Variants in CACNA2D2 observed in about 807,000 individuals in gnomAD.
The protein encoded by CACNA2D2 is voltage-dependent calcium channel subunit alpha-2/delta-2.
Under a neutral mutation model 166.4 loss-of-function variants are expected in CACNA2D2, and 48 were observed. The observed-to-expected ratio is 0.29, with a 90% CI of 0.23 to 0.37. CACNA2D2 has a LOEUF of 0.37. Ranked by LOEUF, CACNA2D2 falls within the 10% of genes least tolerant of loss-of-function variation. CACNA2D2 has a pLI of 1.00. For missense variants in CACNA2D2, 1,122 were observed against 1,433.0 expected, an observed-to-expected ratio of 0.78 and a Z score of 3.50; for synonymous variants, 561 against 573.7, an observed-to-expected ratio of 0.98 and a Z score of 0.32.
At chr3:50,456,430 A>G (rs1709363029) in intron 2 of CACNA2D2, among the ~76,000 whole-genome samples, 1 of 152,178 alleles carries the variant, frequency 6.6e-6, no homozygotes, top group African/African-American at 2.4e-5. Flanking sequence ...CCAGACCAAC[A>G]TTGTGACTTC....
chr3:50,443,791 C>G (rs1708716078), intron 2 of CACNA2D2, among the ~76,000 whole-genome samples: 1 of 152,226 alleles, frequency 6.6e-6, no homozygotes, highest in Non-Finnish European at 1.5e-5. Context: ...AGTAAAGCCC[C>G]CTTTACCCAC....
At chr3:50,475,518 T>C (rs1710271224) in intron 2 of CACNA2D2, among the ~76,000 whole-genome samples, 1 of 152,196 alleles carries the variant, frequency 6.6e-6, no homozygotes, top group Non-Finnish European at 1.5e-5. Context: ...GCCCGGGGCC[T>C]GACAGCAGCA....
At position 50,375,658 on chromosome 3, in the gene CACNA2D2, C is replaced by T; in HGVS notation, c.1893G>A (p.Arg631=). The T allele has an allele frequency of 6.2e-7, 1 of 1,612,486 alleles. No individual in the cohort carries two copies. ...VTRNYTWVPI[R]STNYSLGLVL... is the part of the protein sequence containing the mutation. Reference sequence around the variant, plus strand: ...GCCTCACTTACCTGTAGTTAGTGCTCCTTATAGGCACCCAGGTGTAGTTCC... The same window carrying T: ...GCCTCACTTACCTGTAGTTAGTGCTTCTTATAGGCACCCAGGTGTAGTTCC... Residue 631 remains arginine, a synonymous_variant, in exon 21 of 38, where the codon AGG becomes AGA. Coordinates refer to ENST00000424201, the MANE Select transcript of CACNA2D2 (RefSeq NM_006030.4). The surrounding 1 kb of genome is among the most constrained non-coding windows in gnomAD (Gnocchi z 4.0).
At position 50,380,876 on chromosome 3, in the gene CACNA2D2, C is replaced by T. The variant is rs146699793; in HGVS notation, c.785-71G>A. 8.5e-4 allele frequency: 1,295 copies of T among 1,525,904 alleles called. 1 individual carries two copies. The highest frequency in any genetic ancestry group is 1.1e-3 in the Non-Finnish European group (1,217 of 1,128,576). 94.5% of individuals were successfully genotyped at this position (1,525,904 alleles called of 1,614,324 possible). Reference sequence around the variant, plus strand: ...CCTGGGTAGGCAGACCTTGCAGAGGCGACTGGGCTGCCACAGACTACAGAG... The same window carrying T: ...CCTGGGTAGGCAGACCTTGCAGAGGTGACTGGGCTGCCACAGACTACAGAG... On this transcript the variant is annotated intron_variant, in intron 7 of 37. Coordinates refer to ENST00000424201, the MANE Select transcript of CACNA2D2 (RefSeq NM_006030.4). This position sits in a 1 kb window ranked among gnomAD's most constrained non-coding sequence, Gnocchi z 4.9.
intron 1 of CACNA2D2, among the ~76,000 whole-genome samples, chr3:50,478,769 C>A (rs116427230): frequency 5.7e-4 from 87 of 152,336 alleles, no homozygotes; most frequent in African/African-American, 2.0e-3. Context: ...CTGTGCACCT[C>A]TTTCCAACTC....
At chr3:50,436,592 C>T (rs563425448) in intron 2 of CACNA2D2, among the ~76,000 whole-genome samples, 3 of 152,324 alleles carry the variant, frequency 2.0e-5, no homozygotes, top group South Asian at 2.1e-4. Context: ...TCTGAACCTC[C>T]GTGACTGATC....
intron 1 of CACNA2D2, among the ~76,000 whole-genome samples, chr3:50,500,138 G>T (rs758621790): frequency 6.6e-6 from 1 of 152,216 alleles, no homozygotes; most frequent in Non-Finnish European, 1.5e-5. Flanking sequence ...CTACACTGAC[G>T]CATGCCCTGT....
intron 2 of CACNA2D2, among the ~76,000 whole-genome samples, chr3:50,449,696 C>T (rs1342221860): frequency 6.6e-6 from 1 of 152,214 alleles, no homozygotes; most frequent in Non-Finnish European, 1.5e-5. Flanking sequence ...AAGCGTGGCC[C>T]TGTGATGCCT....
At chr3:50,392,322 C>T (rs538389918) in intron 4 of CACNA2D2, among the ~76,000 whole-genome samples, 1 of 152,332 alleles carries the variant, frequency 6.6e-6, no homozygotes, top group East Asian at 1.9e-4. Context: ...GCATTGATGC[C>T]TTTCAGCCTG....
intron 3 of CACNA2D2, among the ~76,000 whole-genome samples, chr3:50,402,374 A>G (rs753365503): frequency 1.1e-4 from 17 of 152,318 alleles, no homozygotes; most frequent in Non-Finnish European, 1.9e-4. Context: ...GTGTGGGTGG[A>G]CCTGGACAAC....
chr3:50,367,560 C>G lies in CACNA2D2; in HGVS notation c.2298-63G>C. ...GGCTTGTCGGGGACAGTGGTCTCCACAGATGCAAGGAGGCCTCTGGGCAGA... is the reference window on the plus strand; with the variant it reads ...GGCTTGTCGGGGACAGTGGTCTCCAGAGATGCAAGGAGGCCTCTGGGCAGA... On this transcript the variant is annotated intron_variant, in intron 26 of 37. Transcript: ENST00000424201. This position sits in a 1 kb window ranked among gnomAD's most constrained non-coding sequence, Gnocchi z 6.5. 6.2e-7 allele frequency: 1 copy of G among 1,602,316 alleles called. No individual in the cohort carries two copies. Among genetic ancestry groups the G allele is most frequent in the Non-Finnish European group, 8.5e-7 (1 of 1,171,814 alleles).
chr3:50,417,700 T>C (rs530794215), intron 3 of CACNA2D2, among the ~76,000 whole-genome samples: 1 of 152,156 alleles, frequency 6.6e-6, no homozygotes, highest in Non-Finnish European at 1.5e-5. Flanking sequence ...CCTGTGGATG[T>C]GGGGAGGGCA....
At chr3:50,488,238 C>T (rs750392327) in intron 1 of CACNA2D2, among the ~76,000 whole-genome samples, 2 of 152,168 alleles carry the variant, frequency 1.3e-5, no homozygotes, top group South Asian at 2.1e-4. Context: ...GCTCCCACAC[C>T]GAGGCCTGCA....
At chr3:50,498,198 T>C (rs1698802552) in intron 1 of CACNA2D2, among the ~76,000 whole-genome samples, 1 of 152,148 alleles carries the variant, frequency 6.6e-6, no homozygotes, top group African/African-American at 2.4e-5. Flanking sequence ...CCCACCTGCC[T>C]TGACTCCCAA....
chr3:50,439,525 C>T (rs538893755), intron 2 of CACNA2D2, among the ~76,000 whole-genome samples: 1 of 152,368 alleles, frequency 6.6e-6, no homozygotes, highest in East Asian at 1.9e-4. Flanking sequence ...AGCCCCGAGG[C>T]ATGACTCCGG....
In CACNA2D2 at chr3:50,475,747, T is replaced by C. The variant is rs577938579; in HGVS notation, c.288+371A>G. 2.0e-4 allele frequency among the ~76,000 whole-genome samples: 31 copies of C among 152,250 alleles called. No individual in the cohort carries two copies. The South Asian group carries it at 6.4e-3, about 32-fold the overall frequency. On this transcript the variant is annotated intron_variant, in intron 2 of 37. Transcript: ENST00000424201. ...TGGTATGGACCGGCCATCCCGTTGT[T>C]TCCTGGATCCCTTCAGCTCCTGTGC...
chr3:50,410,058 C>T (rs1250379244), intron 3 of CACNA2D2, among the ~76,000 whole-genome samples: 1 of 152,212 alleles, frequency 6.6e-6, no homozygotes, highest in Non-Finnish European at 1.5e-5. Context: ...CTCTGGCCCC[C>T]AAGAACCCTC....
rs558903401 is a variant in CACNA2D2, at chr3:50,487,980, C to T, written c.207-11781G>A. ...GGAATCCAAGCAGAGGAAGCTGATA[C>T]CTGATCCGGATTGGGGCCTGATGAG... On this transcript the variant is annotated intron_variant, in intron 1 of 37. Coordinates refer to ENST00000424201, the MANE Select transcript of CACNA2D2 (RefSeq NM_006030.4). Among the ~76,000 whole-genome samples, 4 of 152,240 alleles carry T rather than the reference C, an allele frequency of 2.6e-5. No homozygotes were observed. The South Asian group carries it at 6.2e-4, about 24-fold the overall frequency.
At chr3:50,421,283 T>C (rs1359022946) in intron 3 of CACNA2D2, among the ~76,000 whole-genome samples, 2 of 152,116 alleles carry the variant, frequency 1.3e-5, no homozygotes, top group Non-Finnish European at 2.9e-5. Context: ...CGCAGGGAGA[T>C]GGGATTAGCA....
Sources: gnomAD v4.1 joint callset for allele counts (sites outside exome capture counted in the v4.1 genomes callset) on GRCh38, gnomAD v4.1.1 for gene constraint, Gnocchi (gnomAD v3.1) non-coding constraint, MANE v1.5 for transcripts, NCBI Gene and HGNC (gene_info 2026-07-23, HGNC 2026-07-21) for gene names.